Variants in NCOA3 observed in about 807,000 individuals in gnomAD.
The protein encoded by NCOA3 is CBP-interacting protein.
In NCOA3, 51 loss-of-function variants were observed where a neutral mutation model predicts 158.8. That is an observed-to-expected ratio of 0.32 (90% CI 0.26 to 0.41). NCOA3 has a LOEUF of 0.41. Among genes scored for constraint, NCOA3 ranks in the 10% least tolerant of loss-of-function variants. The pLI is 1.00. For missense variants in NCOA3, 1,510 were observed against 1,746.6 expected, an observed-to-expected ratio of 0.86 and a Z score of 2.41; for synonymous variants, 537 against 592.4, an observed-to-expected ratio of 0.91 and a Z score of 1.36.
chr20:47,570,515 A>G lies in NCOA3; in HGVS notation c.-98-12668A>G, dbSNP rs184155380. 1.7e-3 allele frequency among the ~76,000 whole-genome samples: 261 copies of G among 152,314 alleles called. No individual in the cohort carries two copies. The Middle Eastern group carries it at 0.02, about 12-fold the overall frequency. On this transcript the variant is annotated intron_variant, in intron 1 of 22. Coordinates refer to ENST00000371998, the MANE Select transcript of NCOA3 (RefSeq NM_181659.3). ...CGTGAGGTTACAGTAATTCAGTCAC[A>G]TCTTCAGATTCCATGTCTTTTCCTA...
chr20:47,540,683 T>C (rs1225822848), intron 1 of NCOA3, among the ~76,000 whole-genome samples: 1 of 152,128 alleles, frequency 6.6e-6, no homozygotes, highest in Non-Finnish European at 1.5e-5. Context: ...TCTCAAGGAA[T>C]TTATAGTCTG....
At chr20:47,560,145 T>C (rs1243138392) in intron 1 of NCOA3, among the ~76,000 whole-genome samples, 3 of 152,040 alleles carry the variant, frequency 2.0e-5, no homozygotes. Context: ...TGTGGCACAA[T>C]CTTGGCTCAC....
At chr20:47,535,028 T>G (rs1385273737) in intron 1 of NCOA3, among the ~76,000 whole-genome samples, 1 of 151,966 alleles carries the variant, frequency 6.6e-6, no homozygotes, top group Non-Finnish European at 1.5e-5. Context: ...TGTTTTTTTT[T>G]TTTTCTTTTT....
chr20:47,543,514 T>C (rs538005434), intron 1 of NCOA3, among the ~76,000 whole-genome samples: 11 of 151,810 alleles, frequency 7.2e-5, no homozygotes, highest in South Asian at 2.1e-4. Flanking sequence ...TCTTCTTCTT[T>C]TTTTTTTTTC....
At chr20:47,559,180 A>G (rs892970478) in intron 1 of NCOA3, among the ~76,000 whole-genome samples, 1 of 152,028 alleles carries the variant, frequency 6.6e-6, no homozygotes, top group Admixed American at 6.6e-5. Context: ...CAATGCCTTC[A>G]TTGTTGAACT....
chr20:47,591,781 C>T (rs1194244288), intron 2 of NCOA3, among the ~76,000 whole-genome samples: 1 of 147,958 alleles, frequency 6.8e-6, no homozygotes, highest in Non-Finnish European at 1.5e-5. Flanking sequence ...TAATCTTGTT[C>T]TCAGTATGTG....
chr20:47,607,662 T>G (rs1785272076), intron 2 of NCOA3, among the ~76,000 whole-genome samples: 1 of 152,188 alleles, frequency 6.6e-6, no homozygotes, highest in African/African-American at 2.4e-5. Context: ...TGACCCAACT[T>G]AGAACTCAGA....
intron 1 of NCOA3, among the ~76,000 whole-genome samples, chr20:47,577,190 T>A (rs903210914): frequency 1.3e-5 from 2 of 152,216 alleles, no homozygotes; most frequent in African/African-American, 4.8e-5. Context: ...AAAATAAGTT[T>A]TAAGTTTTAG....
intron 1 of NCOA3, among the ~76,000 whole-genome samples, chr20:47,530,982 TACCCTGTTTC>T (rs1568659047): frequency 1.3e-5 from 2 of 152,218 alleles, no homozygotes; most frequent in African/African-American, 2.4e-5. Flanking sequence ...TGTAATTATC[TACCCTGTTTC>T]ATCTTTCATC....
At chr20:47,546,279 C>T (rs2084825858) in intron 1 of NCOA3, among the ~76,000 whole-genome samples, 1 of 152,062 alleles carries the variant, frequency 6.6e-6, no homozygotes, top group African/African-American at 2.4e-5. Flanking sequence ...AGTGTCTGGC[C>T]ACATCTCAGT....
At chr20:47,635,197 G>A in intron 10 of NCOA3, 125 bp from the exon 11 acceptor site, 1 of 921,026 alleles carries the variant, frequency 1.1e-6, no homozygotes, top group Non-Finnish European at 1.6e-6. Flanking sequence ...CCAAAGTGCT[G>A]GGAATATAGG....
At chr20:47,625,245 C>T (rs1486656031) in intron 4 of NCOA3, 136 bp from the exon 5 acceptor site, 5 of 608,870 alleles carry the variant, frequency 8.2e-6, no homozygotes, top group Non-Finnish European at 1.1e-5. Context: ...GCATCATTCT[C>T]TTATGAGGAA....
chr20:47,535,625 A>C (rs1044894369), intron 1 of NCOA3, among the ~76,000 whole-genome samples: 1 of 151,754 alleles, frequency 6.6e-6, no homozygotes, highest in Non-Finnish European at 1.5e-5. Flanking sequence ...CTCCTGCCTC[A>C]GCCTCCCGAG....
intron 1 of NCOA3, among the ~76,000 whole-genome samples, chr20:47,542,016 T>TGC (rs1555802244): frequency 5.3e-5 from 6 of 112,974 alleles, no homozygotes; most frequent in African/African-American, 2.0e-4. Flanking sequence ...AGAGTTTTTT[T>TGC]TTTTTTTTTT....
intron 1 of NCOA3, among the ~76,000 whole-genome samples, chr20:47,566,058 C>T (rs2085189753): frequency 6.6e-6 from 1 of 152,206 alleles, no homozygotes; most frequent in South Asian, 2.1e-4. Context: ...ACTGCAACCT[C>T]TGCCTCCCGG....
chr20:47,641,948 G>T (rs577094154), intron 16 of NCOA3, among the ~76,000 whole-genome samples: 46 of 152,106 alleles, frequency 3.0e-4, no homozygotes, highest in African/African-American at 1.0e-3. Flanking sequence ...TACCCCAAAT[G>T]CCTAGGGTTT....
intron 10 of NCOA3, among the ~76,000 whole-genome samples, chr20:47,634,812 G>A (rs994869482): frequency 2.0e-5 from 3 of 151,994 alleles, no homozygotes; most frequent in Non-Finnish European, 2.9e-5. Context: ...CTGTCACTAG[G>A]TATTGGAATG....
chr20:47,647,034 T>A (rs769848329), intron 17 of NCOA3, 39 bp from the exon 18 acceptor site: 2 of 1,569,088 alleles, frequency 1.3e-6, no homozygotes, highest in African/African-American at 1.4e-5. Flanking sequence ...GTTGCTTTCA[T>A]AGATGTTCTT....
chr20:47,537,987 C>T (rs1377524215), intron 1 of NCOA3, among the ~76,000 whole-genome samples: 1 of 152,148 alleles, frequency 6.6e-6, no homozygotes, highest in Non-Finnish European at 1.5e-5. Flanking sequence ...TCAAGTGATT[C>T]TCCTGTCTCA....
Sources: gnomAD v4.1 joint callset for allele counts (sites outside exome capture counted in the v4.1 genomes callset) on GRCh38, gnomAD v4.1.1 for gene constraint, MANE v1.5 for transcripts, NCBI Gene and HGNC (gene_info 2026-07-23, HGNC 2026-07-21) for gene names.